RBPMS: variants seen among roughly 807,000 people sequenced by gnomAD.
The protein encoded by RBPMS is RNA binding protein, mRNA processing factor.
In RBPMS, 7 loss-of-function variants were observed where a neutral mutation model predicts 26.8. The observed-to-expected ratio is 0.26, with a 90% CI of 0.15 to 0.49. The LOEUF (loss-of-function observed/expected upper bound fraction) is 0.49. Among genes scored for constraint, RBPMS ranks in the 20% least tolerant of loss-of-function variants. RBPMS has a pLI of 0.98. For synonymous variants in RBPMS, 96 were observed against 93.3 expected (o/e 1.03, Z -0.17); for missense variants, 186 against 250.0 (o/e 0.74, Z 1.73).
At chr8:30,515,315 T>C (rs1396649574) in intron 5 of RBPMS, among the ~76,000 whole-genome samples, 1 of 152,214 alleles carries the variant, frequency 6.6e-6, no homozygotes, top group Non-Finnish European at 1.5e-5. Flanking sequence ...AGCTCATTGA[T>C]AAGGTTTCAG....
intron 6 of RBPMS, chr8:30,555,913 C>A (rs558441286): frequency 1.4e-4 from 133 of 984,760 alleles, no homozygotes; most frequent in East Asian, 9.1e-4. Context: ...TGTTCCCCCC[C>A]ACCGGGCCGG....
chr8:30,510,378 C>A (rs1027321444), intron 5 of RBPMS, among the ~76,000 whole-genome samples: 1 of 151,998 alleles, frequency 6.6e-6, no homozygotes, highest in African/African-American at 2.4e-5. Context: ...ATGTAAAATA[C>A]CTATTTTACC....
At chr8:30,491,055 T>G (rs1424891197) in intron 4 of RBPMS, among the ~76,000 whole-genome samples, 1 of 152,114 alleles carries the variant, frequency 6.6e-6, no homozygotes, top group Non-Finnish European at 1.5e-5. Context: ...AAAAATAGGG[T>G]TAAGGAGCAA....
intron 3 of RBPMS, among the ~76,000 whole-genome samples, chr8:30,478,264 G>T (rs191928117): frequency 2.0e-5 from 3 of 152,042 alleles, no homozygotes; most frequent in African/African-American, 7.2e-5. Context: ...AACAGAGAAC[G>T]TACAAAATGG....
intron 1 of RBPMS, among the ~76,000 whole-genome samples, chr8:30,390,463 G>C (rs1452021713): frequency 1.3e-5 from 2 of 152,154 alleles, no homozygotes; most frequent in Non-Finnish European, 2.9e-5. Context: ...GAATCCTTCA[G>C]TGCTACTTGG....
intron 4 of RBPMS, among the ~76,000 whole-genome samples, chr8:30,503,690 C>T (rs1001103576): frequency 9.9e-5 from 15 of 152,142 alleles, no homozygotes; most frequent in African/African-American, 3.6e-4. Context: ...GACTCGTTTT[C>T]AGGACTCCAG....
intron 1 of RBPMS, 141 bp from the exon 2 acceptor site, chr8:30,474,638 G>C: frequency 1.2e-5 from 7 of 599,938 alleles, no homozygotes; most frequent in Non-Finnish European, 2.1e-5. Flanking sequence ...TAACAGTGAA[G>C]TATTCGTTGT....
chr8:30,549,649 G>T, intron 6 of RBPMS: 1 of 1,275,748 alleles, frequency 7.8e-7, no homozygotes, highest in East Asian at 2.3e-5. Context: ...GGGAGGCCAG[G>T]CCTCATGCTC....
chr8:30,502,384 A>T (rs1820653280), intron 4 of RBPMS, among the ~76,000 whole-genome samples: 1 of 152,182 alleles, frequency 6.6e-6, no homozygotes, highest in Non-Finnish European at 1.5e-5. Flanking sequence ...TCACATGTGC[A>T]GCCTCATTTT....
At chr8:30,562,020 G>A (rs899719007) in intron 7 of RBPMS, 10 of 985,212 alleles carry the variant, frequency 1.0e-5, no homozygotes, top group Admixed American at 6.1e-5. Flanking sequence ...CCCTAGATCC[G>A]AATAAGATCC....
intron 4 of RBPMS, among the ~76,000 whole-genome samples, chr8:30,483,979 TTATC>T (rs1347279247): frequency 6.6e-6 from 1 of 152,216 alleles, no homozygotes; most frequent in East Asian, 1.9e-4. Context: ...TACATTTTGT[TTATC>T]CATTCATTTG....
At chr8:30,510,295 A>G (rs561481299) in intron 5 of RBPMS, among the ~76,000 whole-genome samples, 9 of 152,302 alleles carry the variant, frequency 5.9e-5, no homozygotes, top group African/African-American at 2.2e-4. Flanking sequence ...TGAATGATTC[A>G]TAGGCCTTTA....
At chr8:30,561,662 G>A (rs373315107) in intron 7 of RBPMS, among the ~76,000 whole-genome samples, 2 of 152,172 alleles carry the variant, frequency 1.3e-5, no homozygotes, top group African/African-American at 4.8e-5. Context: ...AGTGGAGAGC[G>A]GGCTGGAGAA....
At chr8:30,493,207 C>A (rs1228789760) in intron 4 of RBPMS, among the ~76,000 whole-genome samples, 2 of 152,208 alleles carry the variant, frequency 1.3e-5, no homozygotes, top group Admixed American at 1.3e-4. Context: ...TTCCCCAAAT[C>A]ACCCCAAGGT....
intron 7 of RBPMS, among the ~76,000 whole-genome samples, chr8:30,559,528 G>A (rs1292718449): frequency 6.6e-6 from 1 of 152,192 alleles, no homozygotes; most frequent in Admixed American, 6.5e-5. Flanking sequence ...TAGGCCTAAC[G>A]TTGCTTCAGA....
chr8:30,469,221 G>T (rs543867288), intron 1 of RBPMS, among the ~76,000 whole-genome samples: 1 of 152,152 alleles, frequency 6.6e-6, no homozygotes, highest in East Asian at 1.9e-4. Context: ...TTAAAGAGAG[G>T]GCCATTTCAA....
rs116888864 is a variant in RBPMS at position 30,457,304 on chromosome 8, T to C, written c.67-17475T>C. On this transcript the variant is annotated intron_variant, in intron 1 of 8. Transcript: ENST00000397323. ...ATTTTATTTGTGCTCTTTACAGATA[T>C]ATTACAAATCTGTATTCTCATTCAC... Among the ~76,000 whole-genome samples the C allele has an allele frequency of 6.4e-4, 97 of 152,336 alleles. 3 individuals are homozygous for C. The East Asian group carries it at 0.017, about 27-fold the overall frequency.
chr8:30,566,209 G>A (rs1167693586), intron 7 of RBPMS, 48 bp from the exon 8 acceptor site: 4 of 975,122 alleles, frequency 4.1e-6, no homozygotes, highest in Middle Eastern at 5.2e-4. Context: ...GGCAGCCCCA[G>A]GTGGAGGTTA....
intron 4 of RBPMS, among the ~76,000 whole-genome samples, chr8:30,486,323 G>C (rs1208821682): frequency 6.6e-6 from 1 of 151,300 alleles, no homozygotes; most frequent in Non-Finnish European, 1.5e-5. Flanking sequence ...CTGGATGACA[G>C]AGCGAGACTC....
Sources: gnomAD v4.1 joint callset for allele counts (sites outside exome capture counted in the v4.1 genomes callset) on GRCh38, gnomAD v4.1.1 for gene constraint, MANE v1.5 for transcripts, NCBI Gene and HGNC (gene_info 2026-07-23, HGNC 2026-07-21) for gene names.